Variants in RIMS2 observed in about 807,000 individuals in gnomAD.
The protein encoded by RIMS2 is regulating synaptic membrane exocytosis protein 2.
In RIMS2, 59 loss-of-function variants were observed where a neutral mutation model predicts 174.4. That is an observed-to-expected ratio of 0.34 (90% CI 0.27 to 0.42). The LOEUF (loss-of-function observed/expected upper bound fraction) is 0.42, where lower values mean the gene tolerates loss of function less well. Ranked by LOEUF, RIMS2 falls within the 10% of genes least tolerant of loss-of-function variation. RIMS2 has a pLI of 1.00. For missense variants in RIMS2, 1,620 were observed against 1,666.3 expected, an observed-to-expected ratio of 0.97 and a Z score of 0.48; for synonymous variants, 606 against 572.5, an observed-to-expected ratio of 1.06 and a Z score of -0.84.
At chr8:103,700,148 TTTG>T (rs1473150396) in intron 2 of RIMS2, among the ~76,000 whole-genome samples, 2 of 152,168 alleles carry the variant, frequency 1.3e-5, no homozygotes, top group Non-Finnish European at 2.9e-5. Flanking sequence ...TATTCTATCA[TTTG>T]TTAAGAGAGG....
chr8:104,245,742 G>A (rs988127026), intron 20 of RIMS2, among the ~76,000 whole-genome samples: 3 of 152,196 alleles, frequency 2.0e-5, no homozygotes, highest in African/African-American at 4.8e-5. Context: ...TCATCACTGT[G>A]TAAGTATTAG....
chr8:103,967,247 G>A (rs984073585), intron 15 of RIMS2, among the ~76,000 whole-genome samples: 7 of 130,352 alleles, frequency 5.4e-5, no homozygotes, highest in Admixed American at 9.0e-5. Flanking sequence ...GCAACAGTGC[G>A]ATCTTGGCTC....
intron 19 of RIMS2, among the ~76,000 whole-genome samples, chr8:104,179,695 A>G (rs763142731): frequency 2.0e-5 from 3 of 151,814 alleles, no homozygotes; most frequent in Non-Finnish European, 4.4e-5. Context: ...ATATACACCT[A>G]TTTATAATTA....
chr8:104,022,150 C>A (rs1164623561), intron 19 of RIMS2, among the ~76,000 whole-genome samples: 2 of 152,162 alleles, frequency 1.3e-5, no homozygotes, highest in Non-Finnish European at 2.9e-5. Context: ...ACATCTGGAA[C>A]AATGGCTGGT....
At chr8:103,626,195 G>T (rs1005211725) in intron 1 of RIMS2, among the ~76,000 whole-genome samples, 1 of 152,058 alleles carries the variant, frequency 6.6e-6, no homozygotes, top group South Asian at 2.1e-4. Flanking sequence ...TCAGATATTT[G>T]TATTAACAGA....
chr8:104,149,735 A>T (rs1027304643), intron 19 of RIMS2, among the ~76,000 whole-genome samples: 2 of 152,188 alleles, frequency 1.3e-5, no homozygotes. Flanking sequence ...TGTACATAGA[A>T]GTCAGATATA....
chr8:103,537,227 G>A (rs1840249453), intron 1 of RIMS2, among the ~76,000 whole-genome samples: 1 of 152,142 alleles, frequency 6.6e-6, no homozygotes, highest in Non-Finnish European at 1.5e-5. Flanking sequence ...CTAACACAAT[G>A]GTAAAGGAGA....
At chr8:103,889,535 G>A (rs1464333043) in intron 4 of RIMS2, among the ~76,000 whole-genome samples, 1 of 151,510 alleles carries the variant, frequency 6.6e-6, no homozygotes. Flanking sequence ...TTTTTTCGAG[G>A]TCCTAGTACA....
rs1388044225 is a variant in RIMS2, at chr8:103,928,063, T to C, written c.2244+174T>C. Among the ~76,000 whole-genome samples the C allele has an allele frequency of 1.3e-5, 2 of 151,584 alleles. 1 individual carries two copies. Among genetic ancestry groups the C allele is most frequent in the Non-Finnish European group, 3.0e-5 (2 of 67,586 alleles). ...AAAATTTTGCATGGGGATTAGAATA[T>C]TGAATAAAAATTTAAAGAGACAATC... is the stretch of plus-strand genomic sequence containing the variant. On this transcript the variant is annotated intron_variant, in intron 11 of 23. Coordinates refer to ENST00000504942, the Ensembl canonical transcript of RIMS2.
At chr8:103,748,510 G>A (rs1318110872) in intron 2 of RIMS2, among the ~76,000 whole-genome samples, 1 of 152,008 alleles carries the variant, frequency 6.6e-6, no homozygotes, top group Non-Finnish European at 1.5e-5. Flanking sequence ...GGTGAATGAA[G>A]CTTTATACCC....
intron 2 of RIMS2, among the ~76,000 whole-genome samples, chr8:103,739,644 A>G (rs578174215): frequency 1.3e-5 from 2 of 152,326 alleles, no homozygotes; most frequent in Admixed American, 1.3e-4. Flanking sequence ...TTCTCTGTTT[A>G]CTTTACATTA....
intron 19 of RIMS2, among the ~76,000 whole-genome samples, chr8:104,144,160 C>T (rs1008521562): frequency 6.6e-6 from 1 of 151,966 alleles, no homozygotes; most frequent in African/African-American, 2.4e-5. Context: ...TTTCTTTAAC[C>T]ATTCAGGATA....
chr8:104,060,473 A>T (rs1218397971), intron 19 of RIMS2, among the ~76,000 whole-genome samples: 1 of 151,888 alleles, frequency 6.6e-6, no homozygotes, highest in Non-Finnish European at 1.5e-5. Context: ...CTTCTTTATT[A>T]GTCTTGCTAG....
At chr8:104,026,660 A>C (rs1170606666) in intron 19 of RIMS2, among the ~76,000 whole-genome samples, 1 of 152,176 alleles carries the variant, frequency 6.6e-6, no homozygotes, top group African/African-American at 2.4e-5. Flanking sequence ...GAAAAATAAA[A>C]ACAAACAAAC....
intron 2 of RIMS2, among the ~76,000 whole-genome samples, chr8:103,714,331 A>G (rs182514512): frequency 6.6e-5 from 10 of 152,224 alleles, no homozygotes; most frequent in Non-Finnish European, 5.9e-5. Context: ...AAACTTGTGG[A>G]TGAATTAAAA....
chr8:103,542,847 A>G (rs982107270), intron 1 of RIMS2, among the ~76,000 whole-genome samples: 2 of 152,188 alleles, frequency 1.3e-5, no homozygotes, highest in African/African-American at 4.8e-5. Flanking sequence ...AACTTCTAAA[A>G]AGTTAGGTAG....
chr8:104,135,263 C>T (rs759606043), intron 19 of RIMS2, among the ~76,000 whole-genome samples: 3 of 151,978 alleles, frequency 2.0e-5, no homozygotes, highest in Non-Finnish European at 4.4e-5. Flanking sequence ...TGATAGTGAA[C>T]TATAGTGGAG....
chr8:104,042,061 G>GT (rs2096618091), intron 19 of RIMS2, among the ~76,000 whole-genome samples: 1 of 151,232 alleles, frequency 6.6e-6, no homozygotes, highest in South Asian at 2.1e-4. Context: ...GTTTCCTAGT[G>GT]TGAGTGTATA....
intron 17 of RIMS2, among the ~76,000 whole-genome samples, chr8:103,992,895 A>G (rs935612938): frequency 1.3e-5 from 2 of 152,056 alleles, no homozygotes; most frequent in African/African-American, 4.8e-5. Context: ...CCTGGTAACT[A>G]CTACAACTAG....
Sources: gnomAD v4.1 joint callset for allele counts (sites outside exome capture counted in the v4.1 genomes callset) on GRCh38, gnomAD v4.1.1 for gene constraint, MANE v1.5 for transcripts, NCBI Gene and HGNC (gene_info 2026-07-23, HGNC 2026-07-21) for gene names.